The following SFXN5 variants were observed in gnomAD, a reference collection of about 807,000 sequenced individuals.
The protein encoded by SFXN5 is sideroflexin-5.
In SFXN5, 43 loss-of-function variants were observed where a neutral mutation model predicts 50.2. The ratio of observed to expected loss-of-function variants is 0.86; its 90% CI spans 0.67 to 1.11. The LOEUF (loss-of-function observed/expected upper bound fraction) is 1.11. Ranked by LOEUF, SFXN5 falls within the 50% of genes least tolerant of loss-of-function variation. SFXN5 has a pLI of 0.00. For synonymous variants in SFXN5, 203 were observed against 185.8 expected, an observed-to-expected ratio of 1.09 and a Z score of -0.75; for missense variants, 463 against 454.1, an observed-to-expected ratio of 1.02 and a Z score of -0.18.
intron 10 of SFXN5, among the ~76,000 whole-genome samples, chr2:72,977,926 T>C (rs2105496085): frequency 6.8e-6 from 1 of 146,422 alleles, no homozygotes; most frequent in African/African-American, 2.5e-5. Flanking sequence ...TGAGCCAAGA[T>C]TGCACCACTG....
intron 3 of SFXN5, among the ~76,000 whole-genome samples, chr2:73,038,029 C>T (rs1679182223): frequency 6.6e-6 from 1 of 152,174 alleles, no homozygotes. Context: ...TACAGTCATG[C>T]GTCACTTAAC....
At chr2:72,996,124 A>AC (rs1224340708) in intron 9 of SFXN5, among the ~76,000 whole-genome samples, 1 of 152,184 alleles carries the variant, frequency 6.6e-6, no homozygotes, top group East Asian at 1.9e-4. Context: ...CACTAAGGGG[A>AC]CAGGGACACA....
chr2:73,004,664 AGAAGACAG>A (rs1674381404), intron 6 of SFXN5, among the ~76,000 whole-genome samples: 2 of 151,968 alleles, frequency 1.3e-5, no homozygotes, highest in African/African-American at 4.8e-5. Context: ...GGGTGAGGTT[AGAAGACAG>A]GAACACCGAG....
chr2:72,965,852 G>A (rs1674329641), intron 12 of SFXN5, among the ~76,000 whole-genome samples: 1 of 152,184 alleles, frequency 6.6e-6, no homozygotes, highest in South Asian at 2.1e-4. Flanking sequence ...TGCAGGACAG[G>A]TCCCTGGATG....
intron 12 of SFXN5, among the ~76,000 whole-genome samples, chr2:72,968,160 C>G (rs1028385698): frequency 4.6e-5 from 7 of 150,828 alleles, no homozygotes; most frequent in Admixed American, 2.6e-4. Flanking sequence ...CACACACACA[C>G]ACACACACAA....
Position 73,017,984 on chromosome 2 carries a change from G to A in SFXN5, c.357+2255C>T, listed in dbSNP as rs184825071. On this transcript the variant is annotated intron_variant, in intron 6 of 13. Transcript: ENST00000272433. Reference sequence around the variant, plus strand: ...TTTAGGAGGCTGAGGTGGGAAGACTGCTTTCAGTTAGGAGTTCAAGACAAG... The same window carrying A: ...TTTAGGAGGCTGAGGTGGGAAGACTACTTTCAGTTAGGAGTTCAAGACAAG... Among the ~76,000 whole-genome samples the A allele has an allele frequency of 2.4e-3, 362 of 152,282 alleles. 2 individuals are homozygous for A. Among genetic ancestry groups the A allele is most frequent in the African/African-American group, 8.2e-3 (342 of 41,556 alleles).
chr2:73,040,890 C>T lies in SFXN5; in HGVS notation c.213G>A (p.Lys71=), dbSNP rs375309524. 6.2e-7 allele frequency: 1 copy of T among 1,613,076 alleles called. No individual in the cohort carries two copies. The highest frequency in any genetic ancestry group is 2.2e-5 in the East Asian group (1 of 44,894). Residue 71 remains lysine (K), a synonymous_variant, in exon 3 of 14, where the codon AAG becomes AAA. Transcript: ENST00000272433. Reference sequence around the variant, plus strand: ...TGACCCCCGGGCGCAGGGTCCCATGCTTATAGTCCTCCAGCAGCTGCACAG... The same window carrying T: ...TGACCCCCGGGCGCAGGGTCCCATGTTTATAGTCCTCCAGCAGCTGCACAG... ...REAVQLLEDY[K]HGTLRPGVTN... is the part of the protein sequence containing the mutation.
At chr2:72,955,251 C>T (rs1343755717) in intron 13 of SFXN5, among the ~76,000 whole-genome samples, 1 of 148,820 alleles carries the variant, frequency 6.7e-6, no homozygotes, top group Non-Finnish European at 1.5e-5. Flanking sequence ...CTAATTAGTT[C>T]CCTGTCACCA....
In SFXN5 at chr2:72,955,281, C is replaced by CCCG. The variant is rs578184905; in HGVS notation, c.945+5847_945+5849dup. 1.3e-3 allele frequency among the ~76,000 whole-genome samples: 191 copies of CCCG among 152,200 alleles called. 7 individuals carry two copies. The South Asian group carries it at 0.039, about 31-fold the overall frequency. ...TCACCACGGCTGGCTCGCTCGCCCG[C>CCCG]CCGCCGCCCGCCCGTTCACGCAGTA... On this transcript the variant is annotated intron_variant, in intron 13 of 13. Coordinates refer to ENST00000272433, the MANE Select transcript of SFXN5 (RefSeq NM_144579.3).
chr2:72,988,157 G>T, intron 10 of SFXN5, 101 bp downstream of exon 10: 1 of 1,061,106 alleles, frequency 9.4e-7, no homozygotes, highest in Non-Finnish European at 1.4e-6. Flanking sequence ...GGTGCCCCCT[G>T]GGCATCAGGA....
At chr2:73,039,776 CTATTTTATTTTATTT>C (rs56382816) in intron 3 of SFXN5, among the ~76,000 whole-genome samples, 17 of 145,562 alleles carry the variant, frequency 1.2e-4, no homozygotes, top group Non-Finnish European at 1.7e-4. Flanking sequence ...CTTACAAGCA[CTATTTTATTTTATTT>C]TATTTTATTT....
intron 9 of SFXN5, among the ~76,000 whole-genome samples, chr2:72,991,613 T>C (rs1672613765): frequency 6.6e-6 from 1 of 152,228 alleles, no homozygotes; most frequent in Admixed American, 6.5e-5. Flanking sequence ...AGCCACGGCC[T>C]GAGAAGGAAC....
chr2:73,020,096 A>C (rs183330303), intron 6 of SFXN5, 143 bp downstream of exon 6: 1 of 725,668 alleles, frequency 1.4e-6, no homozygotes, highest in South Asian at 1.9e-5. Context: ...TAAGAAATAC[A>C]TATCATTTTA....
intron 2 of SFXN5, among the ~76,000 whole-genome samples, chr2:73,054,330 C>T (rs1681802996): frequency 6.6e-6 from 1 of 152,106 alleles, no homozygotes; most frequent in African/African-American, 2.4e-5. Flanking sequence ...TCATTATTTT[C>T]TAGTCAGTAA....
chr2:72,994,035 C>T (rs1000054018), intron 9 of SFXN5, among the ~76,000 whole-genome samples: 4 of 152,170 alleles, frequency 2.6e-5, no homozygotes, highest in Non-Finnish European at 4.4e-5. Context: ...GGAGGCGGCA[C>T]GGTAATAGCT....
At chr2:73,055,175 G>A (rs1340809353) in intron 2 of SFXN5, among the ~76,000 whole-genome samples, 1 of 152,280 alleles carries the variant, frequency 6.6e-6, no homozygotes, top group Non-Finnish European at 1.5e-5. Context: ...GAGAAGATGT[G>A]CAGTGAAGTG....
chr2:72,977,348 C>A (rs993617436), intron 10 of SFXN5, among the ~76,000 whole-genome samples: 1 of 152,026 alleles, frequency 6.6e-6, no homozygotes, highest in Admixed American at 6.5e-5. Flanking sequence ...AAAATCCATA[C>A]GATGTATAAG....
chr2:73,045,072 T>C (rs938206294), intron 2 of SFXN5, among the ~76,000 whole-genome samples: 2 of 152,216 alleles, frequency 1.3e-5, no homozygotes, highest in African/African-American at 4.8e-5. Context: ...GACCAGGCCC[T>C]GTTCACAGGA....
At chr2:73,050,388 G>GCGCGCGCACACA in intron 2 of SFXN5, among the ~76,000 whole-genome samples, 57 of 143,912 alleles carry the variant, frequency 4.0e-4, no homozygotes, top group African/African-American at 1.5e-3. Flanking sequence ...CAGCCACAGC[G>GCGCGCGCACACA]CACGCACACA....
Sources: gnomAD v4.1 joint callset for allele counts (sites outside exome capture counted in the v4.1 genomes callset) on GRCh38, gnomAD v4.1.1 for gene constraint, MANE v1.5 for transcripts, NCBI Gene and HGNC (gene_info 2026-07-23, HGNC 2026-07-21) for gene names.